ACOT13: variants seen among roughly 807,000 people sequenced by gnomAD.
The protein encoded by ACOT13 is acyl-coenzyme A thioesterase 13.
In ACOT13, 10 loss-of-function variants were observed where a neutral mutation model predicts 11.8. The ratio of observed to expected loss-of-function variants is 0.85; its 90% CI spans 0.53 to 1.44. ACOT13 has a LOEUF of 1.44. ACOT13 is among the 40% of genes most tolerant of loss of function. ACOT13 has a pLI of 0.00. For missense variants in ACOT13, 172 were observed against 174.1 expected, an observed-to-expected ratio of 0.99 and a Z score of 0.07; for synonymous variants, 53 against 61.0, an observed-to-expected ratio of 0.87 and a Z score of 0.61.
At chr6:24,691,602 A>T (rs915910892) in intron 1 of ACOT13, among the ~76,000 whole-genome samples, 1 of 152,148 alleles carries the variant, frequency 6.6e-6, no homozygotes, top group Non-Finnish European at 1.5e-5. Context: ...TTTAAATCTT[A>T]TCTGGAAAGA....
intron 1 of ACOT13, among the ~76,000 whole-genome samples, chr6:24,690,407 A>G (rs1292389052): frequency 6.6e-6 from 1 of 152,204 alleles, no homozygotes; most frequent in Non-Finnish European, 1.5e-5. Flanking sequence ...GAACCTGTGT[A>G]TCAGAGAAGT....
chr6:24,702,197 G>GC lies in ACOT13; in HGVS notation c.*587dup. ...ACGATCTCGGCTCACTGCAATCTCTGCCCCCTGGGTTCAAGTGATTCTCCT... is the reference window on the plus strand; with the variant it reads ...ACGATCTCGGCTCACTGCAATCTCTGCCCCCCTGGGTTCAAGTGATTCTCCT... On this transcript the variant is annotated 3_prime_UTR_variant, in exon 3 of 3. Transcript: ENST00000230048. 1 of 152,684 alleles carries GC rather than the reference G, an allele frequency of 6.5e-6. No individual in the cohort carries two copies. The highest frequency in any genetic ancestry group is 1.9e-4 in the East Asian group (1 of 5,194). 9.5% of individuals were successfully genotyped at this position (152,684 alleles called of 1,614,324 possible).
intron 1 of ACOT13, among the ~76,000 whole-genome samples, chr6:24,671,301 T>G (rs1778360716): frequency 6.6e-6 from 1 of 152,190 alleles, no homozygotes; most frequent in African/African-American, 2.4e-5. Flanking sequence ...GATGAGTTCA[T>G]GTCCTTTGTA....
chr6:24,677,533 C>T (rs1778475475), intron 1 of ACOT13, among the ~76,000 whole-genome samples: 2 of 152,242 alleles, frequency 1.3e-5, no homozygotes, highest in Admixed American at 6.5e-5. Context: ...AGGTATGCCA[C>T]AGGTTGCAAG....
chr6:24,675,948 A>G (rs10456314), intron 1 of ACOT13, among the ~76,000 whole-genome samples: 59,844 of 152,100 alleles, frequency 0.39, 12,797 homozygotes, highest in Non-Finnish European at 0.5. Flanking sequence ...CATATGGCTA[A>G]CCTGTTTTCC....
At chr6:24,690,932 G>A (rs1017134047) in intron 1 of ACOT13, among the ~76,000 whole-genome samples, 1 of 152,204 alleles carries the variant, frequency 6.6e-6, no homozygotes, top group African/African-American at 2.4e-5. Flanking sequence ...AGCCCCAAAT[G>A]TCTTCCTCTG....
intron 1 of ACOT13, among the ~76,000 whole-genome samples, chr6:24,674,753 T>TG: frequency 6.6e-6 from 1 of 152,244 alleles, no homozygotes; most frequent in South Asian, 2.1e-4. Flanking sequence ...TTATTATACT[T>TG]TAAGTTCTAG....
Position 24,703,682 on chromosome 6 carries a change from T to C in ACOT13, c.*2067T>C, listed in dbSNP as rs1357611147. 1 of 152,126 alleles carries C rather than the reference T, an allele frequency of 6.6e-6. No homozygotes were observed. The highest frequency in any genetic ancestry group is 6.5e-5 in the Admixed American group (1 of 15,272). The allele number at this position is 152,126 out of a possible 1,614,324, so 9.4% of individuals were successfully genotyped here. A position where few individuals can be genotyped will look rare whatever the true frequency, so the allele number is the denominator to read the frequency against. ...CATCATAGTTAAAGACTGGTTTGGG[T>C]TTTAGTCTGGAAAGAATCGCCAAGG... On this transcript the variant is annotated 3_prime_UTR_variant, in exon 3 of 3. Transcript: ENST00000230048.
At chr6:24,680,976 A>G (rs1420584434) in intron 1 of ACOT13, among the ~76,000 whole-genome samples, 1 of 152,192 alleles carries the variant, frequency 6.6e-6, no homozygotes, top group African/African-American at 2.4e-5. Context: ...TTTTCCCTCA[A>G]TCACCTGGGA....
In ACOT13 at chr6:24,704,228, G is replaced by C. The variant is rs1053104233; in HGVS notation, c.*2613G>C. 2 of 151,118 alleles carry C rather than the reference G, an allele frequency of 1.3e-5. No individual in the cohort carries two copies. The highest frequency in any genetic ancestry group is 2.1e-4 in the South Asian group (1 of 4,766). The allele number at this position is 151,118 out of a possible 1,614,324, so 9.4% of individuals were successfully genotyped here. A position where few individuals can be genotyped will look rare whatever the true frequency, so the allele number is the denominator to read the frequency against. Reference sequence around the variant, plus strand: ...AAACTCAAATAGCTCACAGGTATAAGTGTACAGAGAAAATGAAAAAAATGT... The same window carrying C: ...AAACTCAAATAGCTCACAGGTATAACTGTACAGAGAAAATGAAAAAAATGT... On this transcript the variant is annotated 3_prime_UTR_variant, in exon 3 of 3. Coordinates refer to ENST00000230048, the MANE Select transcript of ACOT13 (RefSeq NM_018473.4).
chr6:24,699,816 G>A (rs1562163604), intron 2 of ACOT13, among the ~76,000 whole-genome samples: 1 of 152,142 alleles, frequency 6.6e-6, no homozygotes, highest in Non-Finnish European at 1.5e-5. Context: ...ATCTACTAAG[G>A]TACTTTTGCC....
At chr6:24,699,745 T>C (rs931401705) in intron 2 of ACOT13, among the ~76,000 whole-genome samples, 1 of 152,198 alleles carries the variant, frequency 6.6e-6, no homozygotes, top group Non-Finnish European at 1.5e-5. Context: ...GATGACTTGA[T>C]TTTCCCTAAA....
At chr6:24,691,057 A>G (rs1778711942) in intron 1 of ACOT13, among the ~76,000 whole-genome samples, 1 of 152,188 alleles carries the variant, frequency 6.6e-6, no homozygotes, top group Non-Finnish European at 1.5e-5. Flanking sequence ...CCAAGTCCAT[A>G]TGCTTAATAA....
chr6:24,687,497 T>G lies in ACOT13; in HGVS notation c.82-10386T>G, dbSNP rs76989613. On this transcript the variant is annotated intron_variant, in intron 1 of 2. Coordinates refer to ENST00000230048, the MANE Select transcript of ACOT13 (RefSeq NM_018473.4). ...ATGTGGACTCCAACACACATAGAAATAAGGAAGTGGAATTCCAAAGGAAGG... is the reference window on the plus strand; with the variant it reads ...ATGTGGACTCCAACACACATAGAAAGAAGGAAGTGGAATTCCAAAGGAAGG... The G allele has an allele frequency of 0.011, 14,870 of 1,374,402 alleles. 600 individuals are homozygous for G. The African/African-American group carries it at 0.12, about 11-fold the overall frequency. The allele number at this position is 1,374,402 out of a possible 1,614,324, so 85.1% of individuals were successfully genotyped here.
intron 1 of ACOT13, among the ~76,000 whole-genome samples, chr6:24,678,945 G>C (rs961410475): frequency 6.6e-6 from 1 of 152,166 alleles, no homozygotes; most frequent in East Asian, 1.9e-4. Context: ...ATGGGCTGGT[G>C]CTTGCCCCGG....
intron 1 of ACOT13, among the ~76,000 whole-genome samples, chr6:24,678,913 G>C (rs112732955): frequency 2.0e-5 from 3 of 152,102 alleles, no homozygotes; most frequent in African/African-American, 4.8e-5. Flanking sequence ...AAGCATACCC[G>C]GGGCCCTGTG....
chr6:24,682,986 G>T (rs1336670540), intron 1 of ACOT13, among the ~76,000 whole-genome samples: 2 of 152,130 alleles, frequency 1.3e-5, no homozygotes, highest in Non-Finnish European at 2.9e-5. Context: ...CTCTCTGATT[G>T]GTTGGGTGTG....
At chr6:24,680,470 T>C (rs541859759) in intron 1 of ACOT13, among the ~76,000 whole-genome samples, 85 of 152,222 alleles carry the variant, frequency 5.6e-4, no homozygotes, top group African/African-American at 1.8e-3. Context: ...CATTTTCCGA[T>C]GAGCATTAGT....
intron 1 of ACOT13, among the ~76,000 whole-genome samples, chr6:24,677,811 C>G (rs1209617635): frequency 2.0e-5 from 3 of 152,184 alleles, no homozygotes; most frequent in Admixed American, 6.6e-5. Flanking sequence ...CCAAGGAACC[C>G]TCTTAGTTGC....
Sources: gnomAD v4.1 joint callset for allele counts (sites outside exome capture counted in the v4.1 genomes callset) on GRCh38, gnomAD v4.1.1 for gene constraint, MANE v1.5 for transcripts, NCBI Gene and HGNC (gene_info 2026-07-23, HGNC 2026-07-21) for gene names.